TXNRD1: variants seen among roughly 807,000 people sequenced by gnomAD.
TXNRD1 encodes the protein thioredoxin reductase 1, also known as thioredoxin reductase 1, cytoplasmic.
A neutral mutation model predicts 80.3 loss-of-function variants in TXNRD1; 57 were observed. That is an observed-to-expected ratio of 0.71 (90% CI 0.57 to 0.89). The LOEUF (loss-of-function observed/expected upper bound fraction) is 0.89. TXNRD1 is among the 40% of genes least tolerant of loss of function. The pLI, the probability that TXNRD1 is intolerant of heterozygous loss-of-function variation, is 0.00. For missense variants in TXNRD1, 730 were observed against 803.0 expected, an observed-to-expected ratio of 0.91 and a Z score of 1.10; for synonymous variants, 291 against 285.2, an observed-to-expected ratio of 1.02 and a Z score of -0.20.
chr12:104,233,078 G>A (rs185069226), intron 1 of TXNRD1, among the ~76,000 whole-genome samples: 8 of 152,352 alleles, frequency 5.3e-5, no homozygotes, highest in Admixed American at 5.2e-4. Context: ...GATGTATGCT[G>A]TAAGCTGGGA....
chr12:104,327,724 T>C, intron 13 of TXNRD1, 53 bp downstream of exon 13: 10 of 1,563,506 alleles, frequency 6.4e-6, no homozygotes, highest in Non-Finnish European at 8.7e-6. Flanking sequence ...ATACTCCCAG[T>C]TCCTTATTTA....
At chr12:104,259,807 T>A (rs2033328028) in intron 3 of TXNRD1, among the ~76,000 whole-genome samples, 9 of 151,782 alleles carry the variant, frequency 5.9e-5, no homozygotes. Context: ...ATTTCTAGGG[T>A]CAGGAGGAAG....
At chr12:104,262,220 A>G (rs2033382347) in intron 3 of TXNRD1, 1 of 143,938 alleles carries the variant, frequency 6.9e-6, no homozygotes, top group Non-Finnish European at 1.5e-5. Flanking sequence ...CAACAAGAGC[A>G]AGACTCTGTA....
At chr12:104,276,566 C>T (rs1490248870) in intron 3 of TXNRD1, 1 of 152,214 alleles carries the variant, frequency 6.6e-6, no homozygotes, top group Non-Finnish European at 1.5e-5. Flanking sequence ...ACCAGAACAC[C>T]TTACACTCCC....
chr12:104,235,836 A>G (rs533104613), intron 1 of TXNRD1, among the ~76,000 whole-genome samples: 2 of 152,290 alleles, frequency 1.3e-5, no homozygotes, highest in South Asian at 4.2e-4. Flanking sequence ...CATAACCTGT[A>G]GCCACGTGGC....
chr12:104,215,919 C>T, intron 1 of TXNRD1, 26 bp downstream of exon 1: 1 of 1,536,288 alleles, frequency 6.5e-7, no homozygotes, highest in Non-Finnish European at 8.8e-7. Context: ...AAGGCCTGGT[C>T]CCCAGGTCGA....
chr12:104,258,620 A>G (rs4964270), intron 3 of TXNRD1, among the ~76,000 whole-genome samples: 125,394 of 152,076 alleles, frequency 0.82, 51,779 homozygotes, highest in East Asian at 0.89. Context: ...GGGCTCACAG[A>G]CAAACATTAT....
At chr12:104,233,800 G>C (rs1383747049) in intron 1 of TXNRD1, among the ~76,000 whole-genome samples, 1 of 152,164 alleles carries the variant, frequency 6.6e-6, no homozygotes, top group Admixed American at 6.5e-5. Flanking sequence ...GGGATTACAG[G>C]TGTGAGCCAC....
intron 1 of TXNRD1, among the ~76,000 whole-genome samples, chr12:104,234,437 A>G (rs933886858): frequency 1.3e-5 from 2 of 151,936 alleles, no homozygotes; most frequent in Non-Finnish European, 2.9e-5. Context: ...TGAGACTACA[A>G]GCACGCACCA....
At chr12:104,303,957 G>C in intron 4 of TXNRD1, 2 of 1,601,182 alleles carry the variant, frequency 1.2e-6, no homozygotes, top group Middle Eastern at 1.9e-4. Flanking sequence ...GTGTCAGTGA[G>C]GGCCGCGGGC....
At chr12:104,328,201 A>G (rs1417318560) in intron 13 of TXNRD1, among the ~76,000 whole-genome samples, 2 of 151,822 alleles carry the variant, frequency 1.3e-5, no homozygotes, top group Non-Finnish European at 2.9e-5. Context: ...GAAAATTGAC[A>G]TCTTGGATTC....
chr12:104,279,221 G>A (rs185236563), intron 3 of TXNRD1, among the ~76,000 whole-genome samples: 45 of 152,354 alleles, frequency 3.0e-4, no homozygotes, highest in Non-Finnish European at 5.9e-4. Flanking sequence ...CTCTTGGACT[G>A]TGCTATTCTA....
At chr12:104,290,720 CATATATATATATAT>C (rs58669975) in intron 4 of TXNRD1, among the ~76,000 whole-genome samples, 856 of 55,882 alleles carry the variant, frequency 0.015, 32 homozygotes, top group Non-Finnish European at 0.02. Flanking sequence ...AAGAAATATA[CATATATATATATAT>C]ATATATATAT....
chr12:104,318,651 G>A (rs1382005408), intron 7 of TXNRD1, among the ~76,000 whole-genome samples: 1 of 152,160 alleles, frequency 6.6e-6, no homozygotes, highest in African/African-American at 2.4e-5. Context: ...TTCGTTTCTA[G>A]ATAAAGAAGG....
intron 10 of TXNRD1, among the ~76,000 whole-genome samples, chr12:104,322,792 A>G (rs1385046811): frequency 6.6e-6 from 1 of 151,218 alleles, no homozygotes; most frequent in Non-Finnish European, 1.5e-5. Flanking sequence ...ATCTTCCTAT[A>G]TACAATTTTT....
intron 3 of TXNRD1, chr12:104,265,437 C>T (rs2033459487): frequency 1.2e-6 from 2 of 1,603,484 alleles, no homozygotes; most frequent in South Asian, 1.1e-5. Flanking sequence ...CCAAGTCCCG[C>T]TTCTGGTACT....
chr12:104,304,562 C>A (rs1294122982), intron 4 of TXNRD1: 1 of 1,613,878 alleles, frequency 6.2e-7, no homozygotes, highest in African/African-American at 1.3e-5. Flanking sequence ...GAAGTTGGAC[C>A]TGAGTAGTTA....
intron 13 of TXNRD1, among the ~76,000 whole-genome samples, chr12:104,331,254 C>T (rs996010441): frequency 6.6e-6 from 1 of 152,096 alleles, no homozygotes; most frequent in Non-Finnish European, 1.5e-5. Context: ...AAAAGTGTGT[C>T]ATTGTTGATA....
chr12:104,302,380 G>T (rs781420182), intron 4 of TXNRD1, among the ~76,000 whole-genome samples: 3 of 150,920 alleles, frequency 2.0e-5, no homozygotes, highest in Non-Finnish European at 4.4e-5. Context: ...GCAATTGTGG[G>T]TGTCTTTTTT....
Sources: gnomAD v4.1 joint callset for allele counts (sites outside exome capture counted in the v4.1 genomes callset) on GRCh38, gnomAD v4.1.1 for gene constraint, MANE v1.5 for transcripts, NCBI Gene and HGNC (gene_info 2026-07-23, HGNC 2026-07-21) for gene names.